The following CADM2 variants were observed in gnomAD, a reference collection of about 807,000 sequenced individuals.
The protein encoded by CADM2 is cell adhesion molecule 2, also known as immunoglobulin superfamily member 4D.
CADM2 carries 12 observed loss-of-function variants against 49.8 expected under a neutral mutation model. That is an observed-to-expected ratio of 0.24 (90% CI 0.15 to 0.39). The LOEUF (loss-of-function observed/expected upper bound fraction) is 0.39, where lower values mean the gene tolerates loss of function less well. Among genes scored for constraint, CADM2 ranks in the 10% least tolerant of loss-of-function variants. The pLI is 1.00. For synonymous variants in CADM2, 214 were observed against 175.4 expected (o/e 1.22, Z -1.74); for missense variants, 378 against 492.3 (o/e 0.77, Z 2.20).
chr3:85,593,466 G>A (rs550672033), intron 1 of CADM2, among the ~76,000 whole-genome samples: 4 of 152,066 alleles, frequency 2.6e-5, no homozygotes, highest in South Asian at 2.1e-4. Context: ...ATTGCAAAAT[G>A]TATATCTGTG....
intron 1 of CADM2, among the ~76,000 whole-genome samples, chr3:85,307,452 C>T (rs1487871838): frequency 6.6e-6 from 1 of 151,764 alleles, no homozygotes; most frequent in Non-Finnish European, 1.5e-5. Flanking sequence ...TATACCTTCT[C>T]ATGCAACAGT....
At chr3:85,524,422 T>G (rs2061110088) in intron 1 of CADM2, among the ~76,000 whole-genome samples, 1 of 152,104 alleles carries the variant, frequency 6.6e-6, no homozygotes, top group South Asian at 2.1e-4. Flanking sequence ...ATTTAGTTAT[T>G]TATATGTTTG....
intron 8 of CADM2, among the ~76,000 whole-genome samples, chr3:85,975,767 C>G (rs927676256): frequency 3.3e-5 from 5 of 151,514 alleles, no homozygotes; most frequent in Admixed American, 1.3e-4. Context: ...AAAAAATGAG[C>G]TCATCTTTTG....
At chr3:86,035,084 G>A (rs1485368800) in intron 8 of CADM2, among the ~76,000 whole-genome samples, 1 of 151,986 alleles carries the variant, frequency 6.6e-6, no homozygotes, top group Admixed American at 6.6e-5. Context: ...TTGTCATGGA[G>A]TAAAATCCAG....
chr3:85,482,220 G>A (rs923872284), intron 1 of CADM2, among the ~76,000 whole-genome samples: 2 of 151,650 alleles, frequency 1.3e-5, no homozygotes, highest in Non-Finnish European at 1.5e-5. Flanking sequence ...CTGCTACCAG[G>A]AGGCCTGCTA....
At chr3:85,343,795 T>C (rs2030223080) in intron 1 of CADM2, among the ~76,000 whole-genome samples, 1 of 152,216 alleles carries the variant, frequency 6.6e-6, no homozygotes, top group Non-Finnish European at 1.5e-5. Context: ...AGCCGAACTT[T>C]CACAGTGTTC....
At chr3:85,307,603 CTTCTTTG>C (rs1268893758) in intron 1 of CADM2, among the ~76,000 whole-genome samples, 7 of 151,660 alleles carry the variant, frequency 4.6e-5, no homozygotes, top group Non-Finnish European at 8.9e-5. Flanking sequence ...CTCAAACATG[CTTCTTTG>C]TTCTTTGTTA....
At chr3:85,011,598 A>G (rs375718107) in intron 1 of CADM2, among the ~76,000 whole-genome samples, 16 of 152,356 alleles carry the variant, frequency 1.1e-4, no homozygotes, top group African/African-American at 3.1e-4. Context: ...CCAATGAGTC[A>G]GTAGAATTTA....
At chr3:85,450,552 G>A (rs1045506152) in intron 1 of CADM2, among the ~76,000 whole-genome samples, 3 of 151,830 alleles carry the variant, frequency 2.0e-5, no homozygotes, top group Admixed American at 6.6e-5. Context: ...AATATAGAAT[G>A]AATGCTTCAT....
intron 1 of CADM2, among the ~76,000 whole-genome samples, chr3:85,510,996 G>A (rs2040589770): frequency 6.6e-6 from 1 of 152,044 alleles, no homozygotes; most frequent in East Asian, 1.9e-4. Context: ...GTGCATAGAT[G>A]TAATTATATT....
At chr3:84,964,374 A>G (rs1405288921) in intron 1 of CADM2, among the ~76,000 whole-genome samples, 1 of 152,228 alleles carries the variant, frequency 6.6e-6, no homozygotes, top group Non-Finnish European at 1.5e-5. Context: ...TCAATGATTG[A>G]GACAAGTAAG....
At chr3:85,533,274 G>A (rs1679653112) in intron 1 of CADM2, among the ~76,000 whole-genome samples, 1 of 152,136 alleles carries the variant, frequency 6.6e-6, no homozygotes, top group Non-Finnish European at 1.5e-5. Flanking sequence ...AATTATATAT[G>A]TTCTGTTATA....
intron 1 of CADM2, among the ~76,000 whole-genome samples, chr3:85,078,168 T>G (rs890762755): frequency 6.6e-6 from 1 of 151,976 alleles, no homozygotes; most frequent in Non-Finnish European, 1.5e-5. Context: ...ACTCTAAGAA[T>G]TTTTGCATTT....
At chr3:85,458,254 T>C (rs1314220363) in intron 1 of CADM2, among the ~76,000 whole-genome samples, 1 of 152,210 alleles carries the variant, frequency 6.6e-6, no homozygotes, top group African/African-American at 2.4e-5. Context: ...GTATTCATTT[T>C]TCCCAGGAAA....
intron 1 of CADM2, among the ~76,000 whole-genome samples, chr3:85,535,015 C>T (rs1372793817): frequency 2.0e-5 from 3 of 152,110 alleles, no homozygotes; most frequent in East Asian, 3.9e-4. Context: ...GAAATATTTA[C>T]GTGCTCTTTT....
intron 1 of CADM2, among the ~76,000 whole-genome samples, chr3:85,687,449 A>C (rs1452412983): frequency 6.6e-6 from 1 of 152,174 alleles, no homozygotes; most frequent in Non-Finnish European, 1.5e-5. Context: ...AGTAATTAAA[A>C]ATTGTGGTAA....
chr3:84,990,975 A>G (rs564528926), intron 1 of CADM2, among the ~76,000 whole-genome samples: 1 of 152,238 alleles, frequency 6.6e-6, no homozygotes, highest in Admixed American at 6.5e-5. Context: ...TACAAGTCTC[A>G]TTAAAGTTCC....
chr3:85,400,222 T>A (rs1341841707), intron 1 of CADM2, among the ~76,000 whole-genome samples: 1 of 152,176 alleles, frequency 6.6e-6, no homozygotes, highest in Non-Finnish European at 1.5e-5. Flanking sequence ...GGTTTTTGTC[T>A]TTGGTTCTGT....
At chr3:85,500,909 G>C (rs2040088949) in intron 1 of CADM2, among the ~76,000 whole-genome samples, 1 of 147,212 alleles carries the variant, frequency 6.8e-6, no homozygotes, top group South Asian at 2.1e-4. Flanking sequence ...ATTTTCAAAG[G>C]GAGTTTTGCA....
Sources: gnomAD v4.1 joint callset for allele counts (sites outside exome capture counted in the v4.1 genomes callset) on GRCh38, gnomAD v4.1.1 for gene constraint, MANE v1.5 for transcripts, NCBI Gene and HGNC (gene_info 2026-07-23, HGNC 2026-07-21) for gene names.